Variants in CDH18 observed in about 807,000 individuals in gnomAD.
CDH18 encodes the protein cadherin-18.
CDH18 carries 31 observed loss-of-function variants against 67.9 expected under a neutral mutation model. The ratio of observed to expected loss-of-function variants is 0.46; its 90% CI spans 0.34 to 0.62. The LOEUF is 0.62. Ranked by LOEUF, CDH18 falls within the 20% of genes least tolerant of loss-of-function variation. CDH18 has a pLI of 0.01. For synonymous variants in CDH18, 362 were observed against 347.2 expected, an observed-to-expected ratio of 1.04 and a Z score of -0.48; for missense variants, 890 against 975.5, an observed-to-expected ratio of 0.91 and a Z score of 1.17.
chr5:19,529,134 G>A (rs752469921), intron 9 of CDH18, among the ~76,000 whole-genome samples: 11 of 151,900 alleles, frequency 7.2e-5, no homozygotes, highest in Non-Finnish European at 1.5e-4. Context: ...TGAGCCCCAG[G>A]ACTATCTCAG....
At chr5:19,490,072 A>C (rs1453500459) in intron 11 of CDH18, among the ~76,000 whole-genome samples, 1 of 152,114 alleles carries the variant, frequency 6.6e-6, no homozygotes, top group Non-Finnish European at 1.5e-5. Flanking sequence ...GTATTTTTTT[A>C]GTAGAGAATG....
At chr5:20,273,543 C>A (rs1166138936) in intron 1 of CDH18, among the ~76,000 whole-genome samples, 7 of 152,006 alleles carry the variant, frequency 4.6e-5, no homozygotes, top group Non-Finnish European at 7.4e-5. Context: ...TAACTAAGAA[C>A]TTCTGTTGCC....
At chr5:20,498,040 T>A (rs917959913) in intron 1 of CDH18, among the ~76,000 whole-genome samples, 12 of 152,098 alleles carry the variant, frequency 7.9e-5, no homozygotes, top group Non-Finnish European at 1.2e-4. Context: ...GGGTCCTCAC[T>A]AGAGATCAAA....
intron 1 of CDH18, among the ~76,000 whole-genome samples, chr5:20,338,266 T>C (rs762328811): frequency 6.6e-5 from 10 of 152,338 alleles, no homozygotes; most frequent in South Asian, 2.1e-4. Flanking sequence ...TTTTCTTCTG[T>C]TAGGAGACAC....
chr5:19,478,835 T>C (rs1007282560), intron 12 of CDH18, among the ~76,000 whole-genome samples: 1 of 152,188 alleles, frequency 6.6e-6, no homozygotes, highest in African/African-American at 2.4e-5. Flanking sequence ...GGATTTCAGC[T>C]ACCTCTACTG....
At chr5:20,392,417 A>G (rs1744939253) in intron 1 of CDH18, among the ~76,000 whole-genome samples, 2 of 151,996 alleles carry the variant, frequency 1.3e-5, no homozygotes, top group Non-Finnish European at 1.5e-5. Context: ...AATGGTCCCT[A>G]TCTCTTAACT....
intron 3 of CDH18, among the ~76,000 whole-genome samples, chr5:19,776,660 A>G (rs557882965): frequency 6.6e-6 from 1 of 152,364 alleles, no homozygotes; most frequent in African/African-American, 2.4e-5. Context: ...GATTATATTA[A>G]CAAAAGTAAG....
chr5:20,178,659 G>A (rs992260665), intron 2 of CDH18, among the ~76,000 whole-genome samples: 2 of 151,660 alleles, frequency 1.3e-5, no homozygotes, highest in African/African-American at 2.4e-5. Context: ...AAAATGGTGA[G>A]TGGAAAATGT....
At chr5:19,729,769 C>T (rs942512680) in intron 4 of CDH18, among the ~76,000 whole-genome samples, 1 of 152,154 alleles carries the variant, frequency 6.6e-6, no homozygotes, top group African/African-American at 2.4e-5. Flanking sequence ...TGAAAATTGA[C>T]TGGACTGATC....
chr5:19,735,478 G>A (rs973005769), intron 4 of CDH18, among the ~76,000 whole-genome samples: 1 of 150,130 alleles, frequency 6.7e-6, no homozygotes, highest in Non-Finnish European at 1.5e-5. Context: ...CTCACTGCAA[G>A]CTCCGCCTCT....
At chr5:20,476,193 A>C (rs565460313) in intron 1 of CDH18, among the ~76,000 whole-genome samples, 1 of 152,322 alleles carries the variant, frequency 6.6e-6, no homozygotes, top group Non-Finnish European at 1.5e-5. Flanking sequence ...ACTGACCACA[A>C]TGATTGGTTG....
At chr5:20,501,468 A>G (rs1754248918) in intron 1 of CDH18, among the ~76,000 whole-genome samples, 1 of 97,824 alleles carries the variant, frequency 1.0e-5, no homozygotes, top group Non-Finnish European at 2.1e-5. Context: ...CATATTATAT[A>G]TATTATATAC....
intron 1 of CDH18, among the ~76,000 whole-genome samples, chr5:20,435,906 T>C (rs1019537945): frequency 6.6e-6 from 1 of 152,066 alleles, no homozygotes; most frequent in Non-Finnish European, 1.5e-5. Flanking sequence ...TCACAATTAT[T>C]ATTGATATCA....
In CDH18 at chr5:20,060,230, C is replaced by T. The variant is rs547682331; in HGVS notation, c.-517-68216G>A. On this transcript the variant is annotated intron_variant, in intron 2 of 14. Transcript: ENST00000507958. ...CTGTAATCCCAGCACCTTGGGAGGCCGAGGTGGGCAGATCACCTGAGGTCA... is the reference window on the plus strand; with the variant it reads ...CTGTAATCCCAGCACCTTGGGAGGCTGAGGTGGGCAGATCACCTGAGGTCA... Among the ~76,000 whole-genome samples the T allele has an allele frequency of 3.9e-5, 6 of 152,062 alleles. No individual in the cohort carries two copies. The East Asian group carries it at 1.2e-3, about 30-fold the overall frequency.
rs185616425 is a variant in CDH18 at position 19,731,301 on chromosome 5, A to T, written c.524-9835T>A. ...TGTCTCTACTAAAAATACAAAAAAAATTAGCCAGGTGTGGTGGCGGGCGCC... is the reference window on the plus strand; with the variant it reads ...TGTCTCTACTAAAAATACAAAAAAATTTAGCCAGGTGTGGTGGCGGGCGCC... On this transcript the variant is annotated intron_variant, in intron 4 of 12. Transcript: ENST00000382275. 3.3e-5 allele frequency among the ~76,000 whole-genome samples: 5 copies of T among 152,216 alleles called. No individual in the cohort carries two copies. In the East Asian group the frequency reaches 7.8e-4, roughly 24 times the overall value.
intron 3 of CDH18, among the ~76,000 whole-genome samples, chr5:19,747,808 TA>T (rs1383466142): frequency 2.0e-5 from 3 of 151,846 alleles, no homozygotes; most frequent in Non-Finnish European, 4.4e-5. Context: ...TGTAGAATAT[TA>T]AAAAATAGAG....
intron 1 of CDH18, among the ~76,000 whole-genome samples, chr5:20,365,672 G>A (rs887891035): frequency 6.6e-6 from 1 of 151,976 alleles, no homozygotes. Flanking sequence ...CCCTATACCA[G>A]TTACAAAATT....
intron 5 of CDH18, among the ~76,000 whole-genome samples, chr5:19,705,266 A>G (rs1172669500): frequency 6.6e-6 from 1 of 152,194 alleles, no homozygotes; most frequent in Non-Finnish European, 1.5e-5. Context: ...CAAAATTCAG[A>G]CTACTACTCC....
chr5:19,806,487 A>G (rs1486332892), intron 3 of CDH18, among the ~76,000 whole-genome samples: 2 of 152,218 alleles, frequency 1.3e-5, no homozygotes, highest in Admixed American at 6.5e-5. Flanking sequence ...CCGCCTTATC[A>G]ATGTACATAA....
Sources: gnomAD v4.1 joint callset for allele counts (sites outside exome capture counted in the v4.1 genomes callset) on GRCh38, gnomAD v4.1.1 for gene constraint, MANE v1.5 for transcripts, NCBI Gene and HGNC (gene_info 2026-07-23, HGNC 2026-07-21) for gene names.